The following SCAPER variants were observed in gnomAD, a reference collection of about 807,000 sequenced individuals.
The protein encoded by SCAPER is S-phase cyclin A associated protein in the ER, also known as S phase cyclin A-associated protein in the endoplasmic reticulum.
SCAPER carries 98 observed loss-of-function variants against 182.2 expected under a neutral mutation model. The observed-to-expected ratio is 0.54, with a 90% CI of 0.46 to 0.64. SCAPER has a LOEUF of 0.64. SCAPER is among the 30% of genes least tolerant of loss of function. The probability of loss-of-function intolerance (pLI) is 0.00; values close to 1 mark genes in which losing one functional copy is unlikely to be tolerated. For synonymous variants in SCAPER, 605 were observed against 564.6 expected (o/e 1.07, Z -1.01); for missense variants, 1,432 against 1,690.0 (o/e 0.85, Z 2.68).
chr15:76,845,644 AAAG>A (rs1214076509), intron 4 of SCAPER, among the ~76,000 whole-genome samples: 2 of 152,102 alleles, frequency 1.3e-5, no homozygotes, highest in Non-Finnish European at 2.9e-5. Flanking sequence ...GGAATTAACC[AAAG>A]AAGTGAAACA....
At chr15:76,544,435 A>G (rs2045060825) in intron 23 of SCAPER, among the ~76,000 whole-genome samples, 1 of 152,214 alleles carries the variant, frequency 6.6e-6, no homozygotes, top group Non-Finnish European at 1.5e-5. Flanking sequence ...GAAATGTCCT[A>G]TACAATGGAA....
At chr15:76,668,314 C>T (rs904887434) in intron 20 of SCAPER, among the ~76,000 whole-genome samples, 43 of 152,098 alleles carry the variant, frequency 2.8e-4, no homozygotes, top group African/African-American at 9.9e-4. Context: ...ATAAAAATGG[C>T]CACTTATTTT....
At chr15:76,667,938 G>A (rs901036099) in intron 20 of SCAPER, among the ~76,000 whole-genome samples, 2 of 151,024 alleles carry the variant, frequency 1.3e-5, no homozygotes, top group Admixed American at 1.3e-4. Flanking sequence ...ACTCCAGCCT[G>A]GGCAACAAGG....
chr15:76,577,604 G>C (rs145057925), intron 22 of SCAPER, among the ~76,000 whole-genome samples: 4 of 152,238 alleles, frequency 2.6e-5, no homozygotes, highest in Admixed American at 6.5e-5. Flanking sequence ...TGGGCAAAAA[G>C]GGAATGGGCT....
At chr15:76,865,487 A>G (rs2072212575) in intron 2 of SCAPER, among the ~76,000 whole-genome samples, 1 of 152,198 alleles carries the variant, frequency 6.6e-6, no homozygotes, top group South Asian at 2.1e-4. Context: ...GATACTGAGT[A>G]TTAAGATACT....
intron 22 of SCAPER, among the ~76,000 whole-genome samples, chr15:76,582,643 G>A (rs891486816): frequency 6.6e-6 from 1 of 152,124 alleles, no homozygotes; most frequent in African/African-American, 2.4e-5. Flanking sequence ...AATAGCCAAA[G>A]CTATTCTGAG....
At chr15:76,579,380 A>G (rs553737620) in intron 22 of SCAPER, among the ~76,000 whole-genome samples, 1 of 152,024 alleles carries the variant, frequency 6.6e-6, no homozygotes, top group East Asian at 1.9e-4. Context: ...ATGAAGTTAA[A>G]ATGTAAAGTT....
intron 20 of SCAPER, among the ~76,000 whole-genome samples, chr15:76,697,930 G>A (rs796863556): frequency 1.3e-5 from 2 of 151,994 alleles, no homozygotes; most frequent in Non-Finnish European, 2.9e-5. Context: ...GTGAGCCACC[G>A]CGCCTGGCCA....
chr15:76,758,726 ATCTT>A (rs1420323165), intron 14 of SCAPER, among the ~76,000 whole-genome samples: 4 of 152,214 alleles, frequency 2.6e-5, no homozygotes, highest in East Asian at 1.9e-4. Context: ...GAACAGGGAT[ATCTT>A]TCTATTTACT....
chr15:76,603,998 T>A (rs1176343679), intron 22 of SCAPER, among the ~76,000 whole-genome samples: 1 of 121,622 alleles, frequency 8.2e-6, no homozygotes, highest in African/African-American at 2.5e-5. Flanking sequence ...GATGGTAGTT[T>A]CTTTTGCTGT....
At chr15:76,698,563 C>G (rs1032611984) in intron 20 of SCAPER, among the ~76,000 whole-genome samples, 10 of 152,158 alleles carry the variant, frequency 6.6e-5, no homozygotes, top group African/African-American at 2.4e-4. Flanking sequence ...TACATTCATT[C>G]TGGATACTTC....
intron 22 of SCAPER, among the ~76,000 whole-genome samples, chr15:76,581,440 C>T (rs1331238671): frequency 2.0e-5 from 3 of 152,112 alleles, no homozygotes; most frequent in Non-Finnish European, 4.4e-5. Context: ...TTCAACAACA[C>T]ATTAAAAAGA....
At chr15:76,890,015 A>C (rs1347793509) in intron 1 of SCAPER, among the ~76,000 whole-genome samples, 1 of 152,192 alleles carries the variant, frequency 6.6e-6, no homozygotes, top group Non-Finnish European at 1.5e-5. Flanking sequence ...TAAGAAACTC[A>C]CTCAAAACTG....
intron 1 of SCAPER, among the ~76,000 whole-genome samples, chr15:76,897,420 C>A (rs960204931): frequency 6.6e-6 from 1 of 151,870 alleles, no homozygotes; most frequent in Non-Finnish European, 1.5e-5. Context: ...GTTACTTCAA[C>A]ATTGACCAGG....
chr15:76,389,885 G>T (rs1429306022), intron 27 of SCAPER, among the ~76,000 whole-genome samples: 1 of 151,952 alleles, frequency 6.6e-6, no homozygotes, highest in East Asian at 1.9e-4. Context: ...AGAACATTAG[G>T]TAGGACAGGC....
chr15:76,472,319 CA>C, intron 24 of SCAPER: 2 of 677,612 alleles, frequency 3.0e-6, no homozygotes, highest in Non-Finnish European at 5.5e-6. Flanking sequence ...ATGAAGATGC[CA>C]AAACAGACCA....
At chr15:76,608,948 A>G (rs1254484561) in intron 22 of SCAPER, among the ~76,000 whole-genome samples, 3 of 152,090 alleles carry the variant, frequency 2.0e-5, no homozygotes, top group Non-Finnish European at 4.4e-5. Context: ...TAGGAAAGGG[A>G]ATTCCCTGAC....
chr15:76,434,200 G>GCAGC lies in SCAPER; in HGVS notation c.3185_3188dup (p.Cys1063TrpfsTer32), dbSNP rs1345512610. On this transcript the variant is annotated frameshift_variant, in exon 26 of 32. Coordinates refer to ENST00000563290, the MANE Select transcript of SCAPER (RefSeq NM_020843.4). LOFTEE classifies it high-confidence loss of function. Reference sequence around the variant, plus strand: ...TTCCATCTGGTCGATTGGCAATCAGGCAGCCCAAAACCACAGCACTGACTT... The same window carrying GCAGC: ...TTCCATCTGGTCGATTGGCAATCAGGCAGCCAGCCCAAAACCACAGCACTGACTT... 6.2e-7 allele frequency: 1 copy of GCAGC among 1,613,730 alleles called. No individual in the cohort carries two copies. Among genetic ancestry groups the GCAGC allele is most frequent in the Admixed American group, 1.7e-5 (1 of 59,976 alleles).
chr15:76,739,082 A>G (rs142980785), intron 15 of SCAPER, among the ~76,000 whole-genome samples: 8 of 152,334 alleles, frequency 5.3e-5, no homozygotes, highest in African/African-American at 1.9e-4. Flanking sequence ...TGTATTAGGT[A>G]TAAGTAATCT....
Sources: allele counts gnomAD v4.1 joint callset (sites outside exome capture counted in the v4.1 genomes callset), GRCh38; gene constraint gnomAD v4.1.1; transcripts MANE v1.5; gene names NCBI Gene and HGNC (gene_info 2026-07-23, HGNC 2026-07-21).